U2SURP: variants seen among roughly 807,000 people sequenced by gnomAD.
U2SURP encodes U2 snRNP associated SURP domain containing, also known as U2 snRNP-associated SURP motif-containing protein.
U2SURP carries 9 observed loss-of-function variants against 144.9 expected under a neutral mutation model. The ratio of observed to expected loss-of-function variants is 0.06; its 90% CI spans 0.04 to 0.11. The LOEUF (loss-of-function observed/expected upper bound fraction) is 0.11, where lower values mean the gene tolerates loss of function less well. Ranked by LOEUF, U2SURP falls within the 10% of genes least tolerant of loss-of-function variation. U2SURP has a pLI of 1.00. For synonymous variants in U2SURP, 408 were observed against 396.8 expected (o/e 1.03, Z -0.33); for missense variants, 724 against 1,226.7 (o/e 0.59, Z 6.12).
chr3:143,017,753 G>A (rs1420070731), intron 6 of U2SURP, among the ~76,000 whole-genome samples: 1 of 151,950 alleles, frequency 6.6e-6, no homozygotes, highest in Non-Finnish European at 1.5e-5. Flanking sequence ...ATGAGTAGCT[G>A]GGACTACAGG....
chr3:143,023,909 T>C, intron 12 of U2SURP, 66 bp from the exon 13 acceptor site: 1 of 1,467,130 alleles, frequency 6.8e-7, no homozygotes, highest in Non-Finnish European at 9.5e-7. Context: ...TGTATATTTT[T>C]GCTTGTTACT....
At position 143,053,875 on chromosome 3, in the gene U2SURP, C is replaced by T. The variant is rs981201788; in HGVS notation, c.2774+81C>T. 4.4e-6 allele frequency: 5 copies of T among 1,141,158 alleles called. No individual in the cohort carries two copies. The South Asian group carries it at 1.0e-4, about 23-fold the overall frequency. The allele number at this position is 1,141,158 out of a possible 1,614,324, so 70.7% of individuals were successfully genotyped here. ...TTTTATAATACTTTCATCATTGATG[C>T]CCGCAAACTGGAAGTGTTTGTTCAT... On this transcript the variant is annotated intron_variant, in intron 26 of 27. Coordinates refer to ENST00000473835, the MANE Select transcript of U2SURP (RefSeq NM_001080415.2).
At position 143,014,388 on chromosome 3, in the gene U2SURP, A is replaced by G. The variant is rs2108275277; in HGVS notation, c.300A>G (p.Glu100=). 1 of 1,606,164 alleles carries G rather than the reference A, an allele frequency of 6.2e-7. No individual in the cohort carries two copies. The highest frequency in any genetic ancestry group is 2.2e-5 in the East Asian group (1 of 44,648). The change falls in exon 4 of 28, where the codon GAA becomes GAG. Residue 100 remains glutamate (E), a synonymous_variant. Coordinates refer to ENST00000473835, the MANE Select transcript of U2SURP (RefSeq NM_001080415.2). ...CTAAGCGAACTTTAAGTAAAAAGGA[A>G]CAGGAAGAATTAAAGAAAAAGGTAA... ...STAKRTLSKK[E]QEELKKKEDE...
At chr3:143,048,259 A>T (rs759201255) in intron 24 of U2SURP, among the ~76,000 whole-genome samples, 24 of 152,210 alleles carry the variant, frequency 1.6e-4, no homozygotes, top group Non-Finnish European at 2.9e-4. Context: ...CTTGAGCCTC[A>T]GTTAGACTGT....
intron 3 of U2SURP, among the ~76,000 whole-genome samples, chr3:143,013,835 G>A (rs542469190): frequency 2.4e-4 from 37 of 152,096 alleles, no homozygotes; most frequent in Admixed American, 1.4e-3. Flanking sequence ...CGAAGAATGA[G>A]GTAGTTTACC....
At chr3:143,028,208 C>T in intron 14 of U2SURP, 132 bp from the exon 15 acceptor site, 5 of 1,077,514 alleles carry the variant, frequency 4.6e-6, no homozygotes, top group Non-Finnish European at 5.3e-6. Context: ...GGGTGAGATT[C>T]TCTTCAGGGA....
chr3:143,004,800 G>A (rs997805042), intron 1 of U2SURP, among the ~76,000 whole-genome samples: 1 of 151,990 alleles, frequency 6.6e-6, no homozygotes, highest in Non-Finnish European at 1.5e-5. Flanking sequence ...TTTAACAAAT[G>A]TTCTAGAAAT....
intron 24 of U2SURP, among the ~76,000 whole-genome samples, chr3:143,049,192 G>A (rs1218750450): frequency 6.6e-6 from 1 of 150,406 alleles, no homozygotes; most frequent in Non-Finnish European, 1.5e-5. Context: ...CTTGAACCTG[G>A]GAGGTGGAGG....
intron 23 of U2SURP, among the ~76,000 whole-genome samples, chr3:143,042,560 G>A (rs1934172860): frequency 6.6e-6 from 1 of 151,976 alleles, no homozygotes; most frequent in African/African-American, 2.4e-5. Flanking sequence ...CCTGAACAAT[G>A]TACACTGTAC....
intron 25 of U2SURP, among the ~76,000 whole-genome samples, chr3:143,053,420 G>C (rs1934987344): frequency 6.6e-6 from 1 of 152,026 alleles, no homozygotes; most frequent in African/African-American, 2.4e-5. Flanking sequence ...GTGGAAAGCT[G>C]TTTAGTATAT....
At chr3:143,046,688 A>G (rs1934478243) in intron 24 of U2SURP, among the ~76,000 whole-genome samples, 3 of 110,566 alleles carry the variant, frequency 2.7e-5, no homozygotes, top group East Asian at 4.9e-4. Flanking sequence ...TTCTTAGTAC[A>G]GAACAAAATG....
chr3:143,019,951 T>G lies in U2SURP; in HGVS notation c.571-18T>G. On this transcript the variant is annotated intron_variant, in intron 6 of 27. Transcript: ENST00000473835. ...CTTATCCTTTTGTTTGAAGTATAAC[T>G]TGTCATATCCTTTATAGCCACTTAA... The G allele has an allele frequency of 7.0e-7, 1 of 1,430,606 alleles. No homozygotes were observed. Among genetic ancestry groups the G allele is most frequent in the Non-Finnish European group, 9.3e-7 (1 of 1,071,554 alleles). The allele number at this position is 1,430,606 out of a possible 1,614,324, so 88.6% of individuals were successfully genotyped here.
intron 18 of U2SURP, 119 bp downstream of exon 18, chr3:143,033,469 G>A: frequency 1.7e-6 from 1 of 579,818 alleles, no homozygotes; most frequent in Non-Finnish European, 3.0e-6. Flanking sequence ...AGCCCTCCAT[G>A]TCTGTGGGTT....
intron 25 of U2SURP, among the ~76,000 whole-genome samples, chr3:143,051,626 A>G (rs911201095): frequency 3.3e-5 from 5 of 151,412 alleles, no homozygotes; most frequent in Non-Finnish European, 5.9e-5. Flanking sequence ...AAAAAAGAAA[A>G]ACCAATAATA....
intron 24 of U2SURP, among the ~76,000 whole-genome samples, chr3:143,047,310 C>T (rs1447806476): frequency 4.8e-4 from 8 of 16,702 alleles, no homozygotes; most frequent in Admixed American, 8.6e-4. Flanking sequence ...GGCGGCTGGC[C>T]GGGCAGGGGG....
intron 25 of U2SURP, among the ~76,000 whole-genome samples, chr3:143,052,108 T>C (rs1323014604): frequency 6.6e-6 from 1 of 152,168 alleles, no homozygotes; most frequent in Non-Finnish European, 1.5e-5. Flanking sequence ...TACTTATGGC[T>C]GGGCGCAGTT....
intron 13 of U2SURP, among the ~76,000 whole-genome samples, chr3:143,025,485 A>G (rs1292284997): frequency 6.6e-6 from 1 of 152,148 alleles, no homozygotes; most frequent in Non-Finnish European, 1.5e-5. Flanking sequence ...CCACCTAGTA[A>G]TTAGTCTTAT....
At chr3:143,029,671 C>T (rs1042357166) in intron 16 of U2SURP, among the ~76,000 whole-genome samples, 31 of 152,156 alleles carry the variant, frequency 2.0e-4, no homozygotes, top group African/African-American at 7.2e-4. Flanking sequence ...ACTTCTCTCA[C>T]GTTAAATCAA....
At chr3:143,021,293 A>G (rs1475287014) in intron 8 of U2SURP, 57 bp from the exon 9 acceptor site, 3 of 1,533,080 alleles carry the variant, frequency 2.0e-6, no homozygotes, top group Non-Finnish European at 1.8e-6. Flanking sequence ...AGGTGAGGGT[A>G]AGGGGGGACT....
Sources: allele counts gnomAD v4.1 joint callset (sites outside exome capture counted in the v4.1 genomes callset), GRCh38; gene constraint gnomAD v4.1.1; transcripts MANE v1.5; gene names NCBI Gene and HGNC (gene_info 2026-07-23, HGNC 2026-07-21).